The following DLG2 variants were observed in gnomAD, a reference collection of about 807,000 sequenced individuals.
DLG2 encodes the protein discs large MAGUK scaffold protein 2.
Under a neutral mutation model 132.5 loss-of-function variants are expected in DLG2, and 45 were observed. That is an observed-to-expected ratio of 0.34 (90% CI 0.27 to 0.44). The LOEUF (loss-of-function observed/expected upper bound fraction) is 0.44. DLG2 is among the 20% of genes least tolerant of loss of function. The pLI is 1.00. For synonymous variants in DLG2, 424 were observed against 419.6 expected, an observed-to-expected ratio of 1.01 and a Z score of -0.13; for missense variants, 1,045 against 1,196.9, an observed-to-expected ratio of 0.87 and a Z score of 1.87.
chr11:85,213,255 G>C (rs948477494), intron 4 of DLG2, among the ~76,000 whole-genome samples: 8 of 152,130 alleles, frequency 5.3e-5, no homozygotes. Context: ...CGCTGACATA[G>C]CCCTCAGGAG....
chr11:85,388,806 C>T (rs78445698), intron 3 of DLG2, among the ~76,000 whole-genome samples: 5,302 of 152,200 alleles, frequency 0.035, 144 homozygotes, highest in Admixed American at 0.049. Flanking sequence ...CGGGAGAGCA[C>T]CACATCAAGG....
rs369848861 is a variant in DLG2, at chr11:84,618,620, G to A, written c.358-83889C>T. 2.0e-5 allele frequency among the ~76,000 whole-genome samples: 3 copies of A among 152,056 alleles called. No individual in the cohort carries two copies. The East Asian group carries it at 5.8e-4, about 29-fold the overall frequency. Reference sequence around the variant, plus strand: ...TAAAGTTAAGCAAGACTCTCAAAAGGGACCAAAGTGGCTCAAACTCAGAAG... The same window carrying A: ...TAAAGTTAAGCAAGACTCTCAAAAGAGACCAAAGTGGCTCAAACTCAGAAG... On this transcript the variant is annotated intron_variant, in intron 6 of 27. Transcript: ENST00000376104.
intron 6 of DLG2, among the ~76,000 whole-genome samples, chr11:84,757,465 T>C (rs1420713608): frequency 2.6e-5 from 4 of 152,136 alleles, no homozygotes; most frequent in African/African-American, 4.8e-5. Flanking sequence ...TTGAGGAGCA[T>C]TGGACAGATA....
At chr11:85,241,674 T>A (rs571810330) in intron 4 of DLG2, among the ~76,000 whole-genome samples, 2 of 152,096 alleles carry the variant, frequency 1.3e-5, no homozygotes, top group East Asian at 3.9e-4. Context: ...TTATCCAGTA[T>A]CAAGCTTTGC....
intron 6 of DLG2, among the ~76,000 whole-genome samples, chr11:84,549,160 G>A (rs2099396677): frequency 6.6e-6 from 1 of 152,170 alleles, no homozygotes; most frequent in African/African-American, 2.4e-5. Flanking sequence ...AATGAAAGAG[G>A]GATGTGCCGG....
chr11:83,744,696 T>C (rs2092777430), intron 18 of DLG2, among the ~76,000 whole-genome samples: 1 of 152,086 alleles, frequency 6.6e-6, no homozygotes, highest in Admixed American at 6.5e-5. Flanking sequence ...TTCAATTTCA[T>C]AGCTGAAAAT....
At chr11:83,654,628 C>T in intron 18 of DLG2, among the ~76,000 whole-genome samples, 1 of 152,148 alleles carries the variant, frequency 6.6e-6, no homozygotes, top group East Asian at 1.9e-4. Flanking sequence ...TGTACTTGTT[C>T]TACTGGAGGA....
At position 83,669,470 on chromosome 11, in the gene DLG2, A is replaced by G. The variant is rs539241298; in HGVS notation, c.1826-36145T>C. 5.1e-4 allele frequency among the ~76,000 whole-genome samples: 78 copies of G among 152,294 alleles called. 1 individual carries two copies. In the South Asian group the frequency reaches 0.015, roughly 30 times the overall value. ...TTCTATGCCAATGTATACATATATT[A>G]TAGATATGCAATACACAATTAAGGC... On this transcript the variant is annotated intron_variant, in intron 18 of 27. Transcript: ENST00000376104.
chr11:83,872,177 C>T (rs1165179581), intron 16 of DLG2, among the ~76,000 whole-genome samples: 2 of 152,192 alleles, frequency 1.3e-5, no homozygotes, highest in East Asian at 1.9e-4. Flanking sequence ...GCCGGAGAAT[C>T]GCCTGAACCC....
intron 19 of DLG2, among the ~76,000 whole-genome samples, chr11:83,554,899 A>C (rs754719403): frequency 3.3e-5 from 5 of 152,232 alleles, no homozygotes; most frequent in Non-Finnish European, 7.3e-5. Context: ...TGTGCCATGC[A>C]TTATGTTAGG....
intron 17 of DLG2, among the ~76,000 whole-genome samples, chr11:83,804,868 C>T (rs2045509736): frequency 6.6e-6 from 1 of 152,006 alleles, no homozygotes; most frequent in Admixed American, 6.6e-5. Flanking sequence ...TTATGCATTG[C>T]ATTTGGTTGT....
chr11:83,479,687 CCAAA>C (rs1225113484), intron 22 of DLG2, among the ~76,000 whole-genome samples: 8 of 152,084 alleles, frequency 5.3e-5, no homozygotes, highest in East Asian at 1.9e-4. Flanking sequence ...CTTGAGGTGA[CCAAA>C]CAAAGACCAG....
chr11:84,009,276 T>C (rs929559866), intron 11 of DLG2, among the ~76,000 whole-genome samples: 11 of 151,980 alleles, frequency 7.2e-5, no homozygotes, highest in Non-Finnish European at 1.5e-4. Context: ...TATTTTGGCA[T>C]TCAAGATGCA....
intron 8 of DLG2, among the ~76,000 whole-genome samples, chr11:84,237,144 G>A (rs1598109474): frequency 6.6e-6 from 1 of 151,968 alleles, no homozygotes; most frequent in South Asian, 2.1e-4. Flanking sequence ...TGTCCACGAT[G>A]GTCTCCATCT....
At chr11:85,216,319 G>C (rs765856206) in intron 4 of DLG2, among the ~76,000 whole-genome samples, 3 of 152,054 alleles carry the variant, frequency 2.0e-5, no homozygotes, top group Non-Finnish European at 4.4e-5. Flanking sequence ...GCAGAAAATA[G>C]GCCATTTTTT....
At chr11:85,499,905 G>A (rs894004264) in intron 3 of DLG2, among the ~76,000 whole-genome samples, 1 of 152,124 alleles carries the variant, frequency 6.6e-6, no homozygotes, top group African/African-American at 2.4e-5. Flanking sequence ...AGCCTTTCAT[G>A]CTTAAATCTC....
chr11:84,822,100 T>G (rs949388196), intron 6 of DLG2, among the ~76,000 whole-genome samples: 1 of 151,764 alleles, frequency 6.6e-6, no homozygotes, highest in African/African-American at 2.4e-5. Flanking sequence ...TCCTTTGCCC[T>G]CCAAAAGATA....
At chr11:85,000,363 T>C (rs1036622923) in intron 6 of DLG2, among the ~76,000 whole-genome samples, 6 of 152,180 alleles carry the variant, frequency 3.9e-5, no homozygotes, top group South Asian at 2.1e-4. Context: ...TCCAAAAACA[T>C]ATTTGCCGAA....
At chr11:83,499,891 ATATAT>A (rs1174667510) in intron 21 of DLG2, among the ~76,000 whole-genome samples, 34 of 108,200 alleles carry the variant, frequency 3.1e-4, no homozygotes, top group African/African-American at 1.3e-3. Flanking sequence ...ATATATATAT[ATATAT>A]ATCAGTTCTG....
Sources: allele counts gnomAD v4.1 joint callset (sites outside exome capture counted in the v4.1 genomes callset), GRCh38; gene constraint gnomAD v4.1.1; transcripts MANE v1.5; gene names NCBI Gene and HGNC (gene_info 2026-07-23, HGNC 2026-07-21).